The following GRIA1 variants were observed in gnomAD, a reference collection of about 807,000 sequenced individuals.
GRIA1 encodes glutamate receptor 1.
A neutral mutation model predicts 99.2 loss-of-function variants in GRIA1; 31 were observed. That is an observed-to-expected ratio of 0.31 (90% confidence interval 0.23 to 0.42). The LOEUF is 0.42. GRIA1 is among the 10% of genes least tolerant of loss of function. GRIA1 has a pLI of 1.00. For synonymous variants in GRIA1, 438 were observed against 432.4 expected (o/e 1.01, Z -0.16); for missense variants, 782 against 1,157.5 (o/e 0.68, Z 4.71).
In GRIA1 at chr5:153,674,371, C is replaced by G. The variant is rs573200446; in HGVS notation, c.700-129C>G. 67 of 970,440 alleles carry G rather than the reference C, an allele frequency of 6.9e-5. 1 individual carries two copies. The South Asian group carries it at 8.8e-4, about 13-fold the overall frequency. 60.1% of individuals were successfully genotyped at this position (970,440 alleles called of 1,614,324 possible). ...ATAATCAAGTTCAAAGGAAAGGAGG[C>G]CTAACTGTCTCTCCATTGAGTAGGT... is the stretch of plus-strand genomic sequence containing the variant. On this transcript the variant is annotated intron_variant, in intron 5 of 15. Transcript: ENST00000285900.
Position 153,532,028 on chromosome 5 carries a change from T to C in GRIA1, c.220+37963T>C, listed in dbSNP as rs186287349. Among the ~76,000 whole-genome samples, 792 of 152,294 alleles carry C rather than the reference T, an allele frequency of 5.2e-3. 10 individuals are homozygous for C. The highest frequency in any genetic ancestry group is 0.018 in the African/African-American group (768 of 41,564). On this transcript the variant is annotated intron_variant, in intron 2 of 15. Coordinates refer to ENST00000285900, the MANE Select transcript of GRIA1 (RefSeq NM_000827.4). ...GATTGGAGTCCATATTTTGACTTCA[T>C]GTATCTTGGCTTTTTATTTCTATCC...
intron 2 of GRIA1, among the ~76,000 whole-genome samples, chr5:153,564,142 AT>A (rs1761406286): frequency 1.3e-5 from 2 of 152,180 alleles, no homozygotes; most frequent in South Asian, 4.1e-4. Context: ...AAATGATTAG[AT>A]TCAAGGTGCC....
chr5:153,514,798 T>C (rs1216679180), intron 2 of GRIA1, among the ~76,000 whole-genome samples: 1 of 152,168 alleles, frequency 6.6e-6, no homozygotes, highest in East Asian at 1.9e-4. Flanking sequence ...GCAAAAGACT[T>C]GAATGGACAT....
In GRIA1 at chr5:153,534,731, C is replaced by A. The variant is rs115319960; in HGVS notation, c.220+40666C>A. 6.1e-3 allele frequency among the ~76,000 whole-genome samples: 930 copies of A among 152,224 alleles called. 8 individuals are homozygous for A. The highest frequency in any genetic ancestry group is 0.021 in the African/African-American group (885 of 41,540). The stretch of plus-strand genomic sequence containing the variant: ...CTGAAGAAGTCAGGCATTTTCTTGG[C>A]CATCTATGAAGTTGGATTTTAACTC... On this transcript the variant is annotated intron_variant, in intron 2 of 15. Transcript: ENST00000285900.
At chr5:153,511,633 C>T (rs963151900) in intron 2 of GRIA1, among the ~76,000 whole-genome samples, 14 of 152,192 alleles carry the variant, frequency 9.2e-5, no homozygotes, top group Non-Finnish European at 2.1e-4. Flanking sequence ...ATGTTTAATC[C>T]TGTTTTACAT....
At chr5:153,704,431 G>C (rs1279021203) in intron 10 of GRIA1, among the ~76,000 whole-genome samples, 2 of 152,234 alleles carry the variant, frequency 1.3e-5, no homozygotes, top group African/African-American at 4.8e-5. Context: ...GTAGATGCCA[G>C]TGCTTCTGCC....
At chr5:153,623,997 T>C (rs1228090488) in intron 2 of GRIA1, among the ~76,000 whole-genome samples, 1 of 152,184 alleles carries the variant, frequency 6.6e-6, no homozygotes, top group Non-Finnish European at 1.5e-5. Context: ...CAATAACTGC[T>C]CCTATGACTC....
At chr5:153,626,568 T>G (rs182971018) in intron 2 of GRIA1, among the ~76,000 whole-genome samples, 1 of 152,166 alleles carries the variant, frequency 6.6e-6, no homozygotes, top group East Asian at 1.9e-4. Flanking sequence ...AAAGAAAGTA[T>G]AGACCCTTAG....
In GRIA1 at chr5:153,541,989, G is replaced by A. The variant is rs1759169196; in HGVS notation, c.220+47924G>A. Among the ~76,000 whole-genome samples, 3 of 143,192 alleles carry A rather than the reference G, an allele frequency of 2.1e-5. No individual in the cohort carries two copies. The South Asian group carries it at 7.0e-4, about 33-fold the overall frequency. The allele number at this position is 143,192 out of a possible 152,430, so 93.9% of individuals were successfully genotyped here. A position where few individuals can be genotyped will look rare whatever the true frequency, so the allele number is the denominator to read the frequency against. On this transcript the variant is annotated intron_variant, in intron 2 of 15. Coordinates refer to ENST00000285900, the MANE Select transcript of GRIA1 (RefSeq NM_000827.4). ...TTGCCAGGTATGGGGCACATACCTA[G>A]AACTGTGGCCATTCATCCTGCAACT...
At chr5:153,782,839 G>C (rs1400406457) in intron 13 of GRIA1, among the ~76,000 whole-genome samples, 2 of 152,124 alleles carry the variant, frequency 1.3e-5, no homozygotes, top group Non-Finnish European at 2.9e-5. Flanking sequence ...TGAAGGGAAG[G>C]GTGATTCATG....
chr5:153,614,003 G>T (rs903286966), intron 2 of GRIA1, among the ~76,000 whole-genome samples: 2 of 152,134 alleles, frequency 1.3e-5, no homozygotes, highest in Admixed American at 1.3e-4. Context: ...CAGGCCTTTA[G>T]TCCTTGCCTT....
At chr5:153,647,189 G>A in intron 3 of GRIA1, 22 bp downstream of exon 3, 1 of 1,609,290 alleles carries the variant, frequency 6.2e-7, no homozygotes, top group Non-Finnish European at 8.5e-7. Flanking sequence ...GTTAGGGGAG[G>A]GAGACTTTTG....
intron 2 of GRIA1, among the ~76,000 whole-genome samples, chr5:153,631,081 A>ATTT (rs1752926379): frequency 6.6e-6 from 1 of 152,224 alleles, no homozygotes; most frequent in Non-Finnish European, 1.5e-5. Flanking sequence ...CTTGACATTG[A>ATTT]TTGAACCTCT....
chr5:153,489,818 G>C (rs1437471517), upstream of GRIA1: 1 of 456,542 alleles, frequency 2.2e-6, no homozygotes, highest in Non-Finnish European at 4.4e-6. Flanking sequence ...CCTGCAAAAT[G>C]ACTCATGTAA....
rs1392672542 is a variant in GRIA1 at position 153,594,503 on chromosome 5, G to C, written c.221-52425G>C. 2.7e-5 allele frequency among the ~76,000 whole-genome samples: 4 copies of C among 150,732 alleles called. No homozygotes were observed. In the East Asian group the frequency reaches 7.8e-4, roughly 29 times the overall value. On this transcript the variant is annotated intron_variant, in intron 2 of 15. Transcript: ENST00000285900. ...GCTTTTTGATTTTTCCTTCATTATA[G>C]CATTCTATTCATACTCTAGAATGAG... is the stretch of plus-strand genomic sequence containing the variant.
chr5:153,790,251 T>C (rs1158312913), intron 13 of GRIA1, among the ~76,000 whole-genome samples: 2 of 152,206 alleles, frequency 1.3e-5, no homozygotes, highest in East Asian at 3.8e-4. Flanking sequence ...TCTGAAGACA[T>C]TTTAGTCTTT....
intron 5 of GRIA1, among the ~76,000 whole-genome samples, chr5:153,661,710 A>T (rs562727505): frequency 6.6e-6 from 1 of 152,222 alleles, no homozygotes; most frequent in Non-Finnish European, 1.5e-5. Context: ...CTAGAAAATA[A>T]TGTCTGCACC....
At chr5:153,723,290 G>A (rs943640237) in intron 11 of GRIA1, among the ~76,000 whole-genome samples, 37 of 152,302 alleles carry the variant, frequency 2.4e-4, no homozygotes, top group African/African-American at 7.9e-4. Context: ...GAACAGCTCC[G>A]GTCTACAGCT....
At chr5:153,722,269 TC>T (rs1361504645) in intron 11 of GRIA1, among the ~76,000 whole-genome samples, 1 of 152,236 alleles carries the variant, frequency 6.6e-6, no homozygotes, top group East Asian at 1.9e-4. Flanking sequence ...CTGTGGCTTA[TC>T]TTTTCACTGT....
Sources: allele counts gnomAD v4.1 joint callset (sites outside exome capture counted in the v4.1 genomes callset), GRCh38; gene constraint gnomAD v4.1.1; transcripts MANE v1.5; gene names NCBI Gene and HGNC (gene_info 2026-07-23, HGNC 2026-07-21).